GTF3C4: variants seen among roughly 807,000 people sequenced by gnomAD.
The protein encoded by GTF3C4 is general transcription factor 3C polypeptide 4.
A neutral mutation model predicts 67.5 loss-of-function variants in GTF3C4; 28 were observed. The observed-to-expected ratio is 0.41, with a 90% CI of 0.31 to 0.57. The LOEUF (loss-of-function observed/expected upper bound fraction) is 0.57, where lower values mean the gene tolerates loss of function less well. GTF3C4 is among the 20% of genes least tolerant of loss of function. The probability of loss-of-function intolerance (pLI) is 0.21; values close to 1 mark genes in which losing one functional copy is unlikely to be tolerated. For synonymous variants in GTF3C4, 409 were observed against 393.0 expected (o/e 1.04, Z -0.48); for missense variants, 831 against 1,033.2 (o/e 0.80, Z 2.68).
Position 132,679,134 on chromosome 9 carries a change from C to T in GTF3C4, c.1515C>T (p.Asn505=). The T allele has an allele frequency of 6.2e-7, 1 of 1,614,176 alleles. No individual in the cohort carries two copies. Among genetic ancestry groups the T allele is most frequent in the Non-Finnish European group, 8.5e-7 (1 of 1,180,018 alleles). Reference sequence around the variant, plus strand: ...TGATCAACGGCCTCCACCCTGTTAACAAAAACTACCAGGTCCAATTTGTTA... The same window carrying T: ...TGATCAACGGCCTCCACCCTGTTAATAAAAACTACCAGGTCCAATTTGTTA... ...EGMINGLHPV[N]KNYQVQFVTL... Residue 505 remains asparagine, a synonymous_variant, in exon 2 of 5, where the codon AAC becomes AAT. Transcript: ENST00000372146. The surrounding 1 kb of genome is among the most constrained non-coding windows in gnomAD (Gnocchi z 5.9).
intron 2 of GTF3C4, among the ~76,000 whole-genome samples, chr9:132,682,027 C>T (rs993612511): frequency 6.7e-6 from 1 of 149,856 alleles, no homozygotes; most frequent in Non-Finnish European, 1.5e-5. Flanking sequence ...GTAGTCCTAG[C>T]TACTTGGGAG....
chr9:132,670,193 A>G (rs752902918), upstream of GTF3C4: 1 of 1,582,982 alleles, frequency 6.3e-7, no homozygotes, highest in Non-Finnish European at 8.6e-7. Context: ...CATTCGGCCG[A>G]GAGTTCACGC....
chr9:132,675,388 T>C (rs990886362), intron 1 of GTF3C4, among the ~76,000 whole-genome samples: 8 of 152,188 alleles, frequency 5.3e-5, no homozygotes, highest in African/African-American at 1.9e-4. Context: ...TACACCTCAT[T>C]TAATTGGCAT....
chr9:132,685,476 ATAATT>A (rs1227924551), intron 3 of GTF3C4, among the ~76,000 whole-genome samples: 1 of 151,414 alleles, frequency 6.6e-6, no homozygotes, highest in Non-Finnish European at 1.5e-5. Flanking sequence ...CCCCCTTATT[ATAATT>A]TGTTTTTTTT....
rs746080289 is a variant in GTF3C4, at chr9:132,679,937, A to G, written c.2184+134A>G. On this transcript the variant is annotated intron_variant, in intron 2 of 4. Coordinates refer to ENST00000372146, the MANE Select transcript of GTF3C4 (RefSeq NM_012204.4). The surrounding 1 kb of genome is among the most constrained non-coding windows in gnomAD (Gnocchi z 5.9). The stretch of plus-strand genomic sequence containing the variant: ...TAGGTAATTTATTTGCTTGAGGTGC[A>G]GGGTAATAAATAGGAAGCGTGGATT... The G allele has an allele frequency of 1.4e-6, 1 of 720,374 alleles. No individual in the cohort carries two copies. Among genetic ancestry groups the G allele is most frequent in the Non-Finnish European group, 2.3e-6 (1 of 443,524 alleles). The allele number at this position is 720,374 out of a possible 1,614,324, so 44.6% of individuals were successfully genotyped here.
At chr9:132,670,155 C>G (rs1436214851), upstream of GTF3C4, 3 of 1,594,424 alleles carry the variant, frequency 1.9e-6, no homozygotes, top group African/African-American at 4.0e-5. Context: ...CAGCCCCTCT[C>G]TGCGTCCCTC....
chr9:132,687,234 T>A lies in GTF3C4; in HGVS notation c.2316-5T>A, dbSNP rs1258424404. 1 of 1,563,608 alleles carries A rather than the reference T, an allele frequency of 6.4e-7. No individual in the cohort carries two copies. Among genetic ancestry groups the A allele is most frequent in the South Asian group, 1.1e-5 (1 of 90,036 alleles). The stretch of plus-strand genomic sequence containing the variant: ...CCCTTGCCAATACAGTCTGTCTTCT[T>A]TCAGGTGCTTCTTAACCTACCAGTC... On this transcript the variant is annotated splice_region_variant and splice_polypyrimidine_tract_variant and intron_variant, in intron 3 of 4. Coordinates refer to ENST00000372146, the MANE Select transcript of GTF3C4 (RefSeq NM_012204.4).
rs780384563 is a variant in GTF3C4 at position 132,678,162 on chromosome 9, C to T, written c.543C>T (p.Leu181=). 1.9e-5 allele frequency: 30 copies of T among 1,614,102 alleles called. No individual in the cohort carries two copies. Among genetic ancestry groups the T allele is most frequent in the Non-Finnish European group, 2.4e-5 (28 of 1,180,030 alleles). ...PMGCDANGRC[L]LAALTMDNRL... ...GTTGCGATGCTAATGGCAGGTGCCT[C>T]TTGGCAGCACTGACCATGGACAATC... is the stretch of plus-strand genomic sequence containing the variant. The change falls in exon 2 of 5, where the codon CTC becomes CTT. Residue 181 remains leucine (L), a synonymous_variant. Transcript: ENST00000372146. The surrounding 1 kb of genome is among the most constrained non-coding windows in gnomAD (Gnocchi z 6.5).
Position 132,678,273 on chromosome 9 carries a change from G to A in GTF3C4, c.654G>A (p.Glu218=). Reference sequence around the variant, plus strand: ...AGATCTATGGAGAACGTCTTTATGAGACCAGTTACAGGCTCTCTAAAAATG... The same window carrying A: ...AGATCTATGGAGAACGTCTTTATGAAACCAGTTACAGGCTCTCTAAAAATG... ...LTEIYGERLY[E]TSYRLSKNEA... The change falls in exon 2 of 5, where the codon GAG becomes GAA. Residue 218 remains glutamate, a synonymous_variant. Transcript: ENST00000372146. This position sits in a 1 kb window ranked among gnomAD's most constrained non-coding sequence, Gnocchi z 6.5. 1 of 1,614,178 alleles carries A rather than the reference G, an allele frequency of 6.2e-7. No homozygotes were observed. The highest frequency in any genetic ancestry group is 8.5e-7 in the Non-Finnish European group (1 of 1,180,034).
rs576785737 is a variant in GTF3C4 at position 132,693,569 on chromosome 9, T to G, written c.*4624T>G. 1.3e-5 allele frequency: 2 copies of G among 152,308 alleles called. No homozygotes were observed. Among genetic ancestry groups the G allele is most frequent in the South Asian group, 4.1e-4 (2 of 4,828 alleles). The allele number at this position is 152,308 out of a possible 1,614,324, so 9.4% of individuals were successfully genotyped here. A position where few individuals can be genotyped will look rare whatever the true frequency, so the allele number is the denominator to read the frequency against. ...AATACTGTAAATGGGTTGGTTAGAA[T>G]TAAAGTTTAGAACTCTAAATCTTAT... On this transcript the variant is annotated 3_prime_UTR_variant, in exon 5 of 5. Transcript: ENST00000372146.
At chr9:132,686,270 A>G (rs1282923782) in intron 3 of GTF3C4, among the ~76,000 whole-genome samples, 4 of 152,176 alleles carry the variant, frequency 2.6e-5, no homozygotes, top group Admixed American at 2.6e-4. Context: ...TCTTTCAGGA[A>G]AACTGTTTTC....
Position 132,670,532 on chromosome 9 carries a change from C to T in GTF3C4, c.-67C>T, listed in dbSNP as rs974667368. The T allele has an allele frequency of 1.1e-5, 13 of 1,213,486 alleles. No homozygotes were observed. The highest frequency in any genetic ancestry group is 7.3e-5 in the Admixed American group (2 of 27,578). The allele number at this position is 1,213,486 out of a possible 1,614,324, so 75.2% of individuals were successfully genotyped here. A position where few individuals can be genotyped will look rare whatever the true frequency, so the allele number is the denominator to read the frequency against. On this transcript the variant is annotated 5_prime_UTR_variant, in exon 1 of 5. Transcript: ENST00000372146. ...CGGAGGGCGCTGGGGGTGGCGGCGGCGGTCCGGGAGGTGGTCGCGCGACTG... is the reference window on the plus strand; with the variant it reads ...CGGAGGGCGCTGGGGGTGGCGGCGGTGGTCCGGGAGGTGGTCGCGCGACTG...
At position 132,692,426 on chromosome 9, in the gene GTF3C4, G is replaced by A. The variant is rs2130905735; in HGVS notation, c.*3481G>A. On this transcript the variant is annotated 3_prime_UTR_variant, in exon 5 of 5. Coordinates refer to ENST00000372146, the MANE Select transcript of GTF3C4 (RefSeq NM_012204.4). ...AGCTCTTGGTTTGACTTTGGGCTAA[G>A]GGATGTGAAATTTTAGCTCCTTCCC... is the stretch of plus-strand genomic sequence containing the variant. The A allele has an allele frequency of 6.6e-6, 1 of 152,252 alleles. No homozygotes were observed. The highest frequency in any genetic ancestry group is 6.5e-5 in the Admixed American group (1 of 15,292). 9.4% of individuals were successfully genotyped at this position (152,252 alleles called of 1,614,324 possible). A position where few individuals can be genotyped will look rare whatever the true frequency, so the allele number is the denominator to read the frequency against.
In GTF3C4 at chr9:132,693,717, T is replaced by C. The variant is rs1387061445; in HGVS notation, c.*4772T>C. The C allele has an allele frequency of 6.6e-6, 1 of 152,144 alleles. No homozygotes were observed. The highest frequency in any genetic ancestry group is 1.5e-5 in the Non-Finnish European group (1 of 68,020). 9.4% of individuals were successfully genotyped at this position (152,144 alleles called of 1,614,324 possible). ...AGAGATAATGATGGCTTTGAGGCAT[T>C]TCATACTTTACCAGTTTACATTTGG... On this transcript the variant is annotated 3_prime_UTR_variant, in exon 5 of 5. Transcript: ENST00000372146.
chr9:132,672,882 A>C (rs1024908243), intron 1 of GTF3C4, among the ~76,000 whole-genome samples: 1 of 152,180 alleles, frequency 6.6e-6, no homozygotes, highest in African/African-American at 2.4e-5. Flanking sequence ...TAAATGCTCA[A>C]GGTGAAAATA....
At chr9:132,682,167 CATT>C (rs1835955388) in intron 2 of GTF3C4, among the ~76,000 whole-genome samples, 1 of 151,890 alleles carries the variant, frequency 6.6e-6, no homozygotes, top group African/African-American at 2.4e-5. Context: ...GTCACTGTAT[CATT>C]ATCAGGATGT....
intron 3 of GTF3C4, among the ~76,000 whole-genome samples, chr9:132,686,260 T>A (rs1836025754): frequency 6.6e-6 from 1 of 152,218 alleles, no homozygotes; most frequent in African/African-American, 2.4e-5. Context: ...CTAGATGGGT[T>A]CTTTCAGGAA....
rs1159068538 is a variant in GTF3C4 at position 132,693,652 on chromosome 9, A to C, written c.*4707A>C. On this transcript the variant is annotated 3_prime_UTR_variant, in exon 5 of 5. Coordinates refer to ENST00000372146, the MANE Select transcript of GTF3C4 (RefSeq NM_012204.4). ...TCATGAAATCCTGTTACTTTCATTA[A>C]AAAAAAAAATCCTGTAAAATGGTCA... is the stretch of plus-strand genomic sequence containing the variant. 2.4e-5 allele frequency: 1 copy of C among 41,826 alleles called. No individual in the cohort carries two copies. The highest frequency in any genetic ancestry group is 2.5e-4 in the Admixed American group (1 of 3,996). The allele number at this position is 41,826 out of a possible 1,614,324, so 2.6% of individuals were successfully genotyped here.
At chr9:132,671,397 C>G (rs780689730) in intron 1 of GTF3C4, among the ~76,000 whole-genome samples, 4 of 152,208 alleles carry the variant, frequency 2.6e-5, no homozygotes, top group African/African-American at 9.7e-5. Flanking sequence ...TGTGTGTCCT[C>G]CTCTCGCGCC....
Sources: gnomAD v4.1 joint callset for allele counts (sites outside exome capture counted in the v4.1 genomes callset) on GRCh38, gnomAD v4.1.1 for gene constraint, Gnocchi (gnomAD v3.1) non-coding constraint, MANE v1.5 for transcripts, NCBI Gene and HGNC (gene_info 2026-07-23, HGNC 2026-07-21) for gene names.